Variants in TNS3 observed in about 807,000 individuals in gnomAD.
TNS3 encodes tensin-3.
In TNS3, 45 loss-of-function variants were observed where a neutral mutation model predicts 140.9. The ratio of observed to expected loss-of-function variants is 0.32; its 90% confidence interval spans 0.25 to 0.41. TNS3 has a LOEUF of 0.41. Among genes scored for constraint, TNS3 ranks in the 10% least tolerant of loss-of-function variants. The pLI, the probability that TNS3 is intolerant of heterozygous loss-of-function variation, is 1.00. For missense variants in TNS3, 1,716 were observed against 1,906.7 expected, an observed-to-expected ratio of 0.90 and a Z score of 1.86; for synonymous variants, 815 against 788.4, an observed-to-expected ratio of 1.03 and a Z score of -0.56.
intron 2 of TNS3, among the ~76,000 whole-genome samples, chr7:47,509,380 A>G (rs1403616239): frequency 6.6e-6 from 1 of 152,186 alleles, no homozygotes; most frequent in Non-Finnish European, 1.5e-5. Flanking sequence ...CAGCATGGAT[A>G]ATCCTCAGAG....
chr7:47,569,142 C>T (rs998196975), intron 1 of TNS3, among the ~76,000 whole-genome samples: 5 of 152,362 alleles, frequency 3.3e-5, no homozygotes, highest in Non-Finnish European at 7.3e-5. Context: ...TTTGTGAACA[C>T]GATCTGGGGG....
chr7:47,306,699 C>T (rs758956654), intron 20 of TNS3, among the ~76,000 whole-genome samples: 19 of 152,100 alleles, frequency 1.2e-4, no homozygotes, highest in Non-Finnish European at 2.2e-4. Context: ...CTCGGCCTCC[C>T]GAGTAGCTGG....
intron 1 of TNS3, among the ~76,000 whole-genome samples, chr7:47,531,558 AT>A (rs1367548248): frequency 6.6e-6 from 1 of 152,248 alleles, no homozygotes; most frequent in Non-Finnish European, 1.5e-5. Flanking sequence ...TTTTCTTATT[AT>A]TTAAAGCTCA....
intron 4 of TNS3, among the ~76,000 whole-genome samples, chr7:47,451,979 CT>C (rs1236952498): frequency 1.3e-5 from 2 of 152,220 alleles, no homozygotes; most frequent in African/African-American, 4.8e-5. Flanking sequence ...TGGGAATTTA[CT>C]TGCCCTCTGT....
intron 16 of TNS3, among the ~76,000 whole-genome samples, chr7:47,383,263 G>A (rs978911279): frequency 5.9e-5 from 9 of 152,290 alleles, no homozygotes; most frequent in African/African-American, 2.2e-4. Context: ...AATGCAGCTG[G>A]AACACAGGCT....
At chr7:47,394,110 A>G (rs1236466395) in intron 16 of TNS3, among the ~76,000 whole-genome samples, 1 of 152,210 alleles carries the variant, frequency 6.6e-6, no homozygotes, top group Non-Finnish European at 1.5e-5. Flanking sequence ...GTGATTTGTA[A>G]TGTCAGGGCC....
At chr7:47,572,507 T>C (rs1350248804) in intron 1 of TNS3, among the ~76,000 whole-genome samples, 2 of 139,434 alleles carry the variant, frequency 1.4e-5, no homozygotes, top group African/African-American at 5.4e-5. Context: ...CAAAATGCCT[T>C]AAAAGCACAG....
At chr7:47,346,145 G>A (rs1191857900) in intron 18 of TNS3, 42 bp downstream of exon 18, 1 of 1,604,130 alleles carries the variant, frequency 6.2e-7, no homozygotes. Flanking sequence ...AAGAAAGGGA[G>A]TGGAATGGGC....
chr7:47,368,774 C>T lies in TNS3; in HGVS notation c.1872G>A (p.Gln624=). ...RCPADNPGLV[Q]AQPRVPLTPT... ...GGGTGAGTGGCACTCTGGGCTGGGCCTGGACGAGGCCAGGATTGTCTGCAG... is the reference window on the plus strand; with the variant it reads ...GGGTGAGTGGCACTCTGGGCTGGGCTTGGACGAGGCCAGGATTGTCTGCAG... Residue 624 remains glutamine, a synonymous_variant, in exon 17 of 31, where the codon CAG becomes CAA. Coordinates refer to ENST00000311160, the MANE Select transcript of TNS3 (RefSeq NM_022748.12). 1 of 1,597,210 alleles carries T rather than the reference C, an allele frequency of 6.3e-7. No homozygotes were observed.
chr7:47,306,951 T>C (rs558752382), intron 20 of TNS3, among the ~76,000 whole-genome samples: 335 of 152,330 alleles, frequency 2.2e-3, no homozygotes, highest in African/African-American at 7.6e-3. Flanking sequence ...TCCTAAGTTA[T>C]CTAATAGACC....
intron 16 of TNS3, among the ~76,000 whole-genome samples, chr7:47,388,271 C>T (rs1312243483): frequency 1.3e-5 from 2 of 152,130 alleles, no homozygotes; most frequent in Non-Finnish European, 2.9e-5. Context: ...GCTGCTCACG[C>T]TAGGTGTGAG....
intron 24 of TNS3, among the ~76,000 whole-genome samples, chr7:47,295,022 A>G (rs1305458198): frequency 6.6e-6 from 1 of 152,108 alleles, no homozygotes; most frequent in Non-Finnish European, 1.5e-5. Flanking sequence ...GTGGCTCTTT[A>G]TGACCTGGTA....
intron 2 of TNS3, among the ~76,000 whole-genome samples, chr7:47,522,482 G>GGCCTCAA (rs1242610601): frequency 6.6e-6 from 1 of 152,168 alleles, no homozygotes; most frequent in Non-Finnish European, 1.5e-5. Context: ...AGGGACCCTT[G>GGCCTCAA]GCCTCAACAG....
At chr7:47,360,448 C>G (rs1214444069) in intron 17 of TNS3, among the ~76,000 whole-genome samples, 2 of 152,224 alleles carry the variant, frequency 1.3e-5, no homozygotes, top group African/African-American at 4.8e-5. Context: ...GCAAGAGTCC[C>G]TCACGGACGC....
rs535477344 is a variant in TNS3, at chr7:47,400,997, G to A, written c.724-83C>T. The A allele has an allele frequency of 2.7e-5, 42 of 1,561,846 alleles. 1 individual carries two copies. Among genetic ancestry groups the A allele is most frequent in the Admixed American group, 2.1e-4 (12 of 57,634 alleles). ...GCAAGGAACACACTCCGCGGAGGCC[G>A]GCACAGCAGGGCCTCCCCTCTGGAC... is the stretch of plus-strand genomic sequence containing the variant. On this transcript the variant is annotated intron_variant, in intron 13 of 30. Transcript: ENST00000311160.
chr7:47,292,794 A>G, intron 26 of TNS3, 34 bp downstream of exon 26: 1 of 1,596,862 alleles, frequency 6.3e-7, no homozygotes, highest in Non-Finnish European at 8.6e-7. Flanking sequence ...CAGACAATCT[A>G]CACAGAGCCT....
At chr7:47,428,859 G>A (rs576103373) in intron 8 of TNS3, among the ~76,000 whole-genome samples, 1 of 152,254 alleles carries the variant, frequency 6.6e-6, no homozygotes, top group African/African-American at 2.4e-5. Flanking sequence ...ATACACCGCC[G>A]CAGCCCACCC....
chr7:47,419,804 T>C (rs1246693655), intron 10 of TNS3, among the ~76,000 whole-genome samples: 2 of 151,978 alleles, frequency 1.3e-5, no homozygotes, highest in Admixed American at 6.6e-5. Flanking sequence ...CACCCAGAAG[T>C]GGACTCAGAG....
chr7:47,502,272 C>T lies in TNS3; in HGVS notation c.-115+4635G>A, dbSNP rs540032377. Among the ~76,000 whole-genome samples the T allele has an allele frequency of 1.3e-3, 198 of 152,308 alleles. 2 individuals are homozygous for T. Among genetic ancestry groups the T allele is most frequent in the Non-Finnish European group, 2.2e-3 (153 of 68,038 alleles). On this transcript the variant is annotated intron_variant, in intron 3 of 30. Transcript: ENST00000311160. ...GACCCAGCAGGCCCGTATCCCACTG[C>T]ACGGCAGCTGCGGCTCTTAGCATGC...
Sources: allele counts gnomAD v4.1 joint callset (sites outside exome capture counted in the v4.1 genomes callset), GRCh38; gene constraint gnomAD v4.1.1; transcripts MANE v1.5; gene names NCBI Gene and HGNC (gene_info 2026-07-23, HGNC 2026-07-21).